Variants in NEMF observed in about 807,000 individuals in gnomAD.
NEMF encodes ribosome quality control complex subunit NEMF.
In NEMF, 89 loss-of-function variants were observed where a neutral mutation model predicts 162.2. The observed-to-expected ratio is 0.55, with a 90% CI of 0.46 to 0.65. The LOEUF is 0.65. Among genes scored for constraint, NEMF ranks in the 30% least tolerant of loss-of-function variants. The pLI is 0.00. For missense variants in NEMF, 1,133 were observed against 1,261.9 expected (o/e 0.90, Z 1.55); for synonymous variants, 421 against 404.5 (o/e 1.04, Z -0.49).
intron 28 of NEMF, among the ~76,000 whole-genome samples, chr14:49,787,585 A>C (rs529997560): frequency 6.6e-6 from 1 of 152,252 alleles, no homozygotes; most frequent in East Asian, 1.9e-4. Context: ...CATTCATGAC[A>C]GAAGAGCCCT....
At chr14:49,786,665 G>C in intron 29 of NEMF, 53 bp downstream of exon 29, 1 of 1,494,826 alleles carries the variant, frequency 6.7e-7, no homozygotes, top group Non-Finnish European at 9.3e-7. Context: ...AACATTCTGG[G>C]AACTGAATTG....
At chr14:49,831,426 C>A (rs949763727) in intron 10 of NEMF, 65 bp from the exon 11 acceptor site, 11 of 942,842 alleles carry the variant, frequency 1.2e-5, no homozygotes, top group African/African-American at 1.1e-4. Context: ...CTTGCATACA[C>A]AGAATTTTAT....
chr14:49,806,236 A>G (rs202237756), intron 18 of NEMF, 103 bp from the exon 19 acceptor site: 1,671 of 15,098 alleles, frequency 0.11, 16 homozygotes, highest in South Asian at 0.3. Flanking sequence ...ATATGTGTAT[A>G]TATATATATA....
At chr14:49,813,043 G>C (rs1447149068) in intron 18 of NEMF, among the ~76,000 whole-genome samples, 2 of 152,104 alleles carry the variant, frequency 1.3e-5, no homozygotes, top group African/African-American at 4.8e-5. Flanking sequence ...CCAAAGTGCT[G>C]GGATTACAGG....
Position 49,843,953 on chromosome 14 carries a change from G to A in NEMF, c.357+2187C>T, listed in dbSNP as rs1208453370. The stretch of plus-strand genomic sequence containing the variant: ...ATCTCTACTAAAAATACAAAAATTA[G>A]CTGGGCATGGTAGTACATGCCAGTA... On this transcript the variant is annotated intron_variant, in intron 4 of 32. Transcript: ENST00000298310. Among the ~76,000 whole-genome samples the A allele has an allele frequency of 2.0e-5, 3 of 152,054 alleles. No homozygotes were observed. In the East Asian group the frequency reaches 5.8e-4, roughly 29 times the overall value.
intron 8 of NEMF, 92 bp downstream of exon 8, chr14:49,833,331 A>C: frequency 1.5e-6 from 1 of 679,076 alleles, no homozygotes; most frequent in Admixed American, 2.9e-5. Flanking sequence ...AAATTAAAAT[A>C]AAATGTATAT....
Position 49,851,794 on chromosome 14 carries a change from A to G in NEMF, c.128+13T>C, listed in dbSNP as rs1313650020. The G allele has an allele frequency of 6.6e-7, 1 of 1,510,130 alleles. No homozygotes were observed. The allele number at this position is 1,510,130 out of a possible 1,614,324, so 93.5% of individuals were successfully genotyped here. ...ATTGTCAAAGAGAAAATAAGCCTAT[A>G]AAATGTTCTTACTTTTGAAGACGAA... On this transcript the variant is annotated intron_variant, in intron 2 of 32. Transcript: ENST00000298310.
At chr14:49,786,870 G>T in intron 28 of NEMF, 120 bp from the exon 29 acceptor site, 1 of 839,658 alleles carries the variant, frequency 1.2e-6, no homozygotes, top group Non-Finnish European at 1.9e-6. Flanking sequence ...TGACCCACAG[G>T]ATAGGGGGCC....
At position 49,851,831 on chromosome 14, in the gene NEMF, T is replaced by G. The variant is rs766275565; in HGVS notation, c.104A>C (p.Lys35Thr). 6.3e-7 allele frequency: 1 copy of G among 1,584,818 alleles called. No individual in the cohort carries two copies. The highest frequency in any genetic ancestry group is 2.2e-5 in the East Asian group (1 of 44,728). ...RVNNVYDVDN[K>T]TYLIRLQKPD... is the part of the protein sequence containing the mutation. ...CTTTTGAAGACGAATAAGGTATGTCTTATTATCCACATCATAAACATTGTT... is the reference window on the plus strand; with the variant it reads ...CTTTTGAAGACGAATAAGGTATGTCGTATTATCCACATCATAAACATTGTT... The change falls in exon 2 of 33, where the codon AAG becomes ACG. Residue 35 changes from lysine (K) to threonine (T), a missense_variant. By Grantham distance (78) the Lys-to-Thr change is moderately conservative. Around this residue, in one of 3 missense-constraint regions of NEMF, gnomAD observed 582 missense variants for 631.5 expected, o/e 0.92. Transcript: ENST00000298310.
intron 3 of NEMF, among the ~76,000 whole-genome samples, chr14:49,850,558 C>G (rs183520013): frequency 1.1e-3 from 166 of 152,104 alleles, no homozygotes; most frequent in Non-Finnish European, 1.9e-3. Context: ...ATATGTGACT[C>G]GAAAGTCTCG....
chr14:49,806,174 A>G (rs1891178810), intron 18 of NEMF, 41 bp from the exon 19 acceptor site: 1 of 1,420,270 alleles, frequency 7.0e-7, no homozygotes, highest in African/African-American at 1.5e-5. Flanking sequence ...CAAAGTATGG[A>G]CTTTCTCCAG....
intron 25 of NEMF, among the ~76,000 whole-genome samples, chr14:49,797,113 T>C (rs1890725852): frequency 1.3e-5 from 2 of 152,196 alleles, no homozygotes; most frequent in South Asian, 2.1e-4. Flanking sequence ...CTTCACCTCT[T>C]TGTATACTCA....
intron 26 of NEMF, among the ~76,000 whole-genome samples, chr14:49,795,465 C>CA (rs2139841976): frequency 6.6e-6 from 1 of 152,286 alleles, no homozygotes; most frequent in African/African-American, 2.4e-5. Flanking sequence ...GAACTCTAAC[C>CA]AAAATCTAAA....
chr14:49,825,062 T>C (rs1356754744), intron 16 of NEMF, among the ~76,000 whole-genome samples: 4 of 151,904 alleles, frequency 2.6e-5, no homozygotes, highest in Non-Finnish European at 5.9e-5. Flanking sequence ...AGAACAAAAA[T>C]AAAAAGCAAA....
intron 17 of NEMF, 110 bp from the exon 18 acceptor site, chr14:49,814,160 C>T (rs1234923015): frequency 3.1e-6 from 2 of 649,688 alleles, no homozygotes; most frequent in Admixed American, 2.6e-5. Context: ...AGTGCAGTGG[C>T]ACGATTTCAG....
intron 19 of NEMF, among the ~76,000 whole-genome samples, 195 bp from the exon 20 acceptor site, chr14:49,803,489 GA>G (rs1030361593): frequency 6.8e-6 from 1 of 147,794 alleles, no homozygotes; most frequent in Admixed American, 6.7e-5. Context: ...AAGTAACAAA[GA>G]AAAAAACAAA....
intron 16 of NEMF, among the ~76,000 whole-genome samples, chr14:49,823,184 C>T (rs1487538150): frequency 6.6e-6 from 1 of 151,998 alleles, no homozygotes; most frequent in African/African-American, 2.4e-5. Flanking sequence ...CAGTGATCCA[C>T]CTGTCTTGGT....
At chr14:49,815,644 C>T (rs1187860391) in intron 16 of NEMF, among the ~76,000 whole-genome samples, 9 of 152,084 alleles carry the variant, frequency 5.9e-5, no homozygotes, top group African/African-American at 2.2e-4. Context: ...AACACATACT[C>T]ATGGTTGAAT....
At chr14:49,839,746 A>G (rs1181950524) in intron 5 of NEMF, 2 of 152,246 alleles carry the variant, frequency 1.3e-5, no homozygotes, top group Non-Finnish European at 2.9e-5. Context: ...GGCAGCACAT[A>G]TACTAAAATT....
Sources: allele counts gnomAD v4.1 joint callset (sites outside exome capture counted in the v4.1 genomes callset), GRCh38; gene constraint gnomAD v4.1.1; regional missense constraint gnomAD v4.1.1; transcripts MANE v1.5; gene names NCBI Gene and HGNC (gene_info 2026-07-23, HGNC 2026-07-21).